Variants in CFAP20DC observed in about 807,000 individuals in gnomAD.
CFAP20DC encodes protein CFAP20DC.
CFAP20DC carries 84 observed loss-of-function variants against 101.7 expected under a neutral mutation model. The observed-to-expected ratio is 0.83, with a 90% CI of 0.69 to 0.99. CFAP20DC has a LOEUF of 0.99. CFAP20DC is among the 50% of genes least tolerant of loss of function. CFAP20DC has a pLI of 0.00. For synonymous variants in CFAP20DC, 359 were observed against 351.2 expected (o/e 1.02, Z -0.25); for missense variants, 1,007 against 970.3 (o/e 1.04, Z -0.50).
chr3:58,954,997 A>G (rs1368414912), intron 4 of CFAP20DC, among the ~76,000 whole-genome samples: 1 of 144,268 alleles, frequency 6.9e-6, no homozygotes, highest in Non-Finnish European at 1.5e-5. Flanking sequence ...ATAAAAACTA[A>G]AAAAAAAAAA....
intron 15 of CFAP20DC, among the ~76,000 whole-genome samples, chr3:58,778,844 A>G (rs543509146): frequency 5.9e-5 from 9 of 152,348 alleles, no homozygotes; most frequent in African/African-American, 1.9e-4. Context: ...AGGAAATAAC[A>G]GACACCACTG....
At chr3:58,956,969 A>T (rs567452025) in intron 4 of CFAP20DC, among the ~76,000 whole-genome samples, 1 of 152,276 alleles carries the variant, frequency 6.6e-6, no homozygotes, top group African/African-American at 2.4e-5. Flanking sequence ...GGTCCCTCCC[A>T]CAACACAAGG....
chr3:58,884,431 T>C lies in CFAP20DC; in HGVS notation c.715+114A>G, dbSNP rs561106115. ...CGTGGTATGTGGCAAGTATACTCTGTTAAGTGCGAAGGATATAGAAGAATG... is the reference window on the plus strand; with the variant it reads ...CGTGGTATGTGGCAAGTATACTCTGCTAAGTGCGAAGGATATAGAAGAATG... On this transcript the variant is annotated intron_variant, in intron 7 of 16. Transcript: ENST00000482387. 1.3e-5 allele frequency: 12 copies of C among 948,006 alleles called. No individual in the cohort carries two copies. The East Asian group carries it at 2.2e-4, about 17-fold the overall frequency. 58.7% of individuals were successfully genotyped at this position (948,006 alleles called of 1,614,324 possible). A position where few individuals can be genotyped will look rare whatever the true frequency, so the allele number is the denominator to read the frequency against.
chr3:58,961,796 T>C (rs1380238013), intron 4 of CFAP20DC, among the ~76,000 whole-genome samples: 2 of 152,114 alleles, frequency 1.3e-5, no homozygotes, highest in Non-Finnish European at 2.9e-5. Context: ...TCAACCAAAT[T>C]GTCTATGGAG....
chr3:58,865,379 T>G (rs2079596828), intron 11 of CFAP20DC, among the ~76,000 whole-genome samples: 1 of 152,208 alleles, frequency 6.6e-6, no homozygotes, highest in Non-Finnish European at 1.5e-5. Context: ...TTACATAACA[T>G]AACTTACCTG....
chr3:58,782,743 A>G (rs1367581133), intron 15 of CFAP20DC, among the ~76,000 whole-genome samples: 2 of 152,118 alleles, frequency 1.3e-5, no homozygotes, highest in Non-Finnish European at 1.5e-5. Flanking sequence ...ACTACAAAAC[A>G]CTGATGAAAG....
intron 4 of CFAP20DC, among the ~76,000 whole-genome samples, chr3:58,977,736 A>G (rs1377157372): frequency 6.6e-6 from 1 of 152,116 alleles, no homozygotes; most frequent in Admixed American, 6.5e-5. Context: ...AGTAAAAAAA[A>G]AAAAAAAAAG....
At chr3:58,800,748 ACT>A (rs772563318) in intron 15 of CFAP20DC, among the ~76,000 whole-genome samples, 2 of 152,042 alleles carry the variant, frequency 1.3e-5, no homozygotes, top group Non-Finnish European at 2.9e-5. Context: ...TCAGATTTAA[ACT>A]CTGTCCAAAC....
rs1207314566 is a variant in CFAP20DC at position 58,882,659 on chromosome 3, T to A, written c.715+1886A>T. Reference sequence around the variant, plus strand: ...AGCTGTCTGGGTAGTCAGATCTTTTTAATCCTTTTATGTATTTATTTTCTC... The same window carrying A: ...AGCTGTCTGGGTAGTCAGATCTTTTAAATCCTTTTATGTATTTATTTTCTC... On this transcript the variant is annotated intron_variant, in intron 7 of 16. Coordinates refer to ENST00000482387, the MANE Select transcript of CFAP20DC (RefSeq NM_001394063.1). The surrounding 1 kb of genome is among the most constrained non-coding windows in gnomAD (Gnocchi z 4.2). Among the ~76,000 whole-genome samples, 1 of 151,970 alleles carries A rather than the reference T, an allele frequency of 6.6e-6. No homozygotes were observed. Among genetic ancestry groups the A allele is most frequent in the Non-Finnish European group, 1.5e-5 (1 of 68,028 alleles).
intron 4 of CFAP20DC, among the ~76,000 whole-genome samples, chr3:58,954,414 A>T (rs1374006020): frequency 1.3e-5 from 2 of 152,152 alleles, no homozygotes; most frequent in Admixed American, 1.3e-4. Flanking sequence ...TTAAGCCAAA[A>T]TGGTTTTTAT....
intron 4 of CFAP20DC, among the ~76,000 whole-genome samples, chr3:59,004,006 C>T (rs2093373556): frequency 1.3e-5 from 2 of 152,230 alleles, no homozygotes; most frequent in Admixed American, 6.5e-5. Flanking sequence ...GCTATTCTCA[C>T]CTCATAAATG....
chr3:58,926,276 G>C (rs373834832), intron 5 of CFAP20DC, among the ~76,000 whole-genome samples: 123 of 151,956 alleles, frequency 8.1e-4, no homozygotes, highest in Middle Eastern at 3.4e-3. Flanking sequence ...TGAGGCAGGA[G>C]AATTGTTTGA....
In CFAP20DC at chr3:58,742,579, G is replaced by C. The variant is rs2067934986; in HGVS notation, c.2333-7C>G. The C allele has an allele frequency of 2.5e-6, 4 of 1,591,430 alleles. No homozygotes were observed. The East Asian group carries it at 9.1e-5, about 36-fold the overall frequency. ...ACACTGAGGTCTTCTTCACCTGTGG[G>C]GAAGGGGAACCACAGACACATTAGC... is the stretch of plus-strand genomic sequence containing the variant. On this transcript the variant is annotated splice_region_variant and splice_polypyrimidine_tract_variant and intron_variant, in intron 16 of 16. Coordinates refer to ENST00000482387, the MANE Select transcript of CFAP20DC (RefSeq NM_001394063.1).
At chr3:58,772,649 T>C (rs1397244382) in intron 15 of CFAP20DC, among the ~76,000 whole-genome samples, 2 of 152,156 alleles carry the variant, frequency 1.3e-5, no homozygotes, top group African/African-American at 4.8e-5. Flanking sequence ...CAGCACTGTC[T>C]ACAGCAACAA....
chr3:58,875,613 A>G (rs1473364791), intron 7 of CFAP20DC, among the ~76,000 whole-genome samples: 1 of 152,066 alleles, frequency 6.6e-6, no homozygotes, highest in Non-Finnish European at 1.5e-5. Context: ...ATGTTTTTTC[A>G]TATTCTTTCT....
chr3:58,881,981 A>T (rs1230837044), intron 7 of CFAP20DC, among the ~76,000 whole-genome samples: 1 of 152,300 alleles, frequency 6.6e-6, no homozygotes, highest in East Asian at 1.9e-4. Context: ...TCAGCAATTG[A>T]AAAGTATTTA....
intron 4 of CFAP20DC, among the ~76,000 whole-genome samples, chr3:58,968,103 G>A (rs1196716086): frequency 1.3e-5 from 2 of 152,150 alleles, no homozygotes; most frequent in Non-Finnish European, 2.9e-5. Flanking sequence ...TCTTCATCCA[G>A]TCAGTCACTG....
intron 15 of CFAP20DC, among the ~76,000 whole-genome samples, chr3:58,780,569 T>C (rs931013540): frequency 1.7e-4 from 25 of 151,274 alleles, no homozygotes; most frequent in African/African-American, 6.1e-4. Context: ...TAAAGAAACA[T>C]ATAGACTGAA....
intron 3 of CFAP20DC, among the ~76,000 whole-genome samples, chr3:58,723,708 C>A (rs2067505426): frequency 6.6e-6 from 1 of 152,124 alleles, no homozygotes; most frequent in African/African-American, 2.4e-5. Context: ...CTTTCTGGTA[C>A]CAAGTTTTTG....
Sources: gnomAD v4.1 joint callset for allele counts (sites outside exome capture counted in the v4.1 genomes callset) on GRCh38, gnomAD v4.1.1 for gene constraint, Gnocchi (gnomAD v3.1) non-coding constraint, MANE v1.5 for transcripts, NCBI Gene and HGNC (gene_info 2026-07-23, HGNC 2026-07-21) for gene names.